The following PTGES3 variants were observed in gnomAD, a reference collection of about 807,000 sequenced individuals.
PTGES3 encodes Hsp90 co-chaperone.
A neutral mutation model predicts 29.9 loss-of-function variants in PTGES3; 5 were observed. The observed-to-expected ratio is 0.17, with a 90% CI of 0.09 to 0.35. The LOEUF (loss-of-function observed/expected upper bound fraction) is 0.35, where lower values mean the gene tolerates loss of function less well. Ranked by LOEUF, PTGES3 falls within the 10% of genes least tolerant of loss-of-function variation. The pLI, the probability that PTGES3 is intolerant of heterozygous loss-of-function variation, is 1.00. For synonymous variants in PTGES3, 49 were observed against 57.8 expected (o/e 0.85, Z 0.69); for missense variants, 128 against 190.0 (o/e 0.67, Z 1.92).
chr12:56,676,278 G>A (rs1952243011), intron 1 of PTGES3, among the ~76,000 whole-genome samples: 2 of 148,438 alleles, frequency 1.3e-5, no homozygotes, highest in African/African-American at 5.0e-5. Context: ...CAGCATTTCT[G>A]ACAGAAGGCT....
chr12:56,681,061 C>T (rs1273163425), intron 1 of PTGES3, among the ~76,000 whole-genome samples: 1 of 152,092 alleles, frequency 6.6e-6, no homozygotes, highest in Non-Finnish European at 1.5e-5. Context: ...TGTGAGTCAC[C>T]ATACCTGGTC....
intron 1 of PTGES3, among the ~76,000 whole-genome samples, chr12:56,685,946 T>A (rs2137744444): frequency 6.6e-6 from 1 of 151,780 alleles, no homozygotes; most frequent in South Asian, 2.1e-4. Context: ...CCAGCTAGTT[T>A]TTGTATTTTT....
intron 1 of PTGES3, among the ~76,000 whole-genome samples, chr12:56,679,304 G>A (rs1045039199): frequency 6.6e-6 from 1 of 151,630 alleles, no homozygotes; most frequent in African/African-American, 2.4e-5. Context: ...CTACTTGGGA[G>A]GCTGAGACAT....
Position 56,664,517 on chromosome 12 carries a change from A to G in PTGES3, c.464-19T>C. The stretch of plus-strand genomic sequence containing the variant: ...GGCATTTCTGAAAGAATTTTTAAAA[A>G]TATTAGTATATAGTACAAGTGAATA... On this transcript the variant is annotated intron_variant, in intron 7 of 7. Transcript: ENST00000262033. 4 of 1,592,048 alleles carry G rather than the reference A, an allele frequency of 2.5e-6. No homozygotes were observed. Among genetic ancestry groups the G allele is most frequent in the Non-Finnish European group, 2.6e-6 (3 of 1,164,454 alleles).
At chr12:56,683,939 G>A (rs568582247) in intron 1 of PTGES3, among the ~76,000 whole-genome samples, 50 of 132,928 alleles carry the variant, frequency 3.8e-4, no homozygotes, top group African/African-American at 1.3e-3. Flanking sequence ...CAGCCTGGGC[G>A]ACAGCGAAAC....
intron 1 of PTGES3, chr12:56,687,675 T>C (rs370531359): frequency 1.5e-5 from 19 of 1,265,274 alleles, no homozygotes; most frequent in African/African-American, 4.7e-5. Flanking sequence ...GGGCGCCGCA[T>C]GGCGAGCAGC....
chr12:56,681,261 G>A (rs921081089), intron 1 of PTGES3, among the ~76,000 whole-genome samples: 3 of 152,148 alleles, frequency 2.0e-5, no homozygotes, highest in South Asian at 4.2e-4. Context: ...GAATCAGGCC[G>A]GGCGCGGTGG....
chr12:56,688,183 C>G lies in PTGES3; in HGVS notation c.-184G>C. 9.2e-7 allele frequency: 1 copy of G among 1,090,158 alleles called. No individual in the cohort carries two copies. Among genetic ancestry groups the G allele is most frequent in the Non-Finnish European group, 1.2e-6 (1 of 819,906 alleles). The allele number at this position is 1,090,158 out of a possible 1,614,324, so 67.5% of individuals were successfully genotyped here. A position where few individuals can be genotyped will look rare whatever the true frequency, so the allele number is the denominator to read the frequency against. On this transcript the variant is annotated 5_prime_UTR_variant, in exon 1 of 8. Transcript: ENST00000262033. ...ACCTCGGGCCCCAGAATGCACCGCGCGGAAAGAGCGGCTCCTCCGGTCGGG... is the reference window on the plus strand; with the variant it reads ...ACCTCGGGCCCCAGAATGCACCGCGGGGAAAGAGCGGCTCCTCCGGTCGGG...
chr12:56,677,815 G>A (rs1003759713), intron 1 of PTGES3, among the ~76,000 whole-genome samples: 1 of 152,086 alleles, frequency 6.6e-6, no homozygotes, highest in Non-Finnish European at 1.5e-5. Flanking sequence ...TTTGCTTAGT[G>A]TCTTGGCTTA....
In PTGES3 at chr12:56,672,781, G is replaced by A. The variant is rs1003601322; in HGVS notation, c.145C>T (p.His49Tyr). Residue 49 changes from histidine to tyrosine, a missense_variant, in exon 3 of 8, where the codon CAT (histidine) becomes TAT (tyrosine). Physicochemically the swap from His to Tyr is moderately conservative, Grantham distance 83. Transcript: ENST00000262033. Reference protein sequence around the residue: ...SCLGGSDNFKHLNEIDLFHCI... With the variant: ...SCLGGSDNFKYLNEIDLFHCI... ...TGAAAAAGATCAATTTCATTTAAAT[G>A]CTTAAAATTATCACTTCCTCCGAGA... The A allele has an allele frequency of 1.9e-6, 3 of 1,590,030 alleles. No individual in the cohort carries two copies. The highest frequency in any genetic ancestry group is 2.6e-6 in the Non-Finnish European group (3 of 1,169,150).
chr12:56,671,902 G>C (rs1565864493), intron 3 of PTGES3, 55 bp from the exon 4 acceptor site: 24 of 1,083,650 alleles, frequency 2.2e-5, no homozygotes, highest in Non-Finnish European at 3.0e-5. Flanking sequence ...CTACATGATA[G>C]AAAATAGCTT....
intron 1 of PTGES3, chr12:56,687,125 A>G: frequency 4.9e-6 from 4 of 812,194 alleles, no homozygotes; most frequent in Non-Finnish European, 4.8e-6. Flanking sequence ...CGTAAAATGA[A>G]GACTGCCATA....
chr12:56,676,232 C>CCA (rs372309759), intron 1 of PTGES3, among the ~76,000 whole-genome samples: 79 of 129,962 alleles, frequency 6.1e-4, no homozygotes, highest in African/African-American at 2.2e-3. Flanking sequence ...TCTCCCCCCC[C>CCA]AAAAAAAAAA....
Position 56,668,824 on chromosome 12 carries a change from T to C in PTGES3, c.375+1451A>G, listed in dbSNP as rs561737226. Among the ~76,000 whole-genome samples the C allele has an allele frequency of 1.9e-4, 29 of 152,074 alleles. No homozygotes were observed. The South Asian group carries it at 5.8e-3, about 30-fold the overall frequency. ...GGATTTCATCAGTATGCATTCGACT[T>C]ATACACTAATGTTCTTTCTGTACTT... On this transcript the variant is annotated intron_variant, in intron 5 of 7. Transcript: ENST00000262033.
chr12:56,686,343 G>C (rs1408802569), intron 1 of PTGES3, among the ~76,000 whole-genome samples: 1 of 150,796 alleles, frequency 6.6e-6, no homozygotes, highest in African/African-American at 2.4e-5. Flanking sequence ...CTTTCAAATA[G>C]AAAAGCAAAA....
chr12:56,671,913 G>C, intron 3 of PTGES3, 66 bp from the exon 4 acceptor site: 3 of 945,868 alleles, frequency 3.2e-6, no homozygotes, highest in Non-Finnish European at 4.5e-6. Flanking sequence ...AAAATAGCTT[G>C]TCATTTCTCA....
At chr12:56,678,239 G>C (rs984735946) in intron 1 of PTGES3, among the ~76,000 whole-genome samples, 1 of 152,084 alleles carries the variant, frequency 6.6e-6, no homozygotes, top group African/African-American at 2.4e-5. Flanking sequence ...GTGCAGTGGC[G>C]TGATCTCGGC....
At chr12:56,684,581 T>C (rs1952735530) in intron 1 of PTGES3, among the ~76,000 whole-genome samples, 1 of 152,174 alleles carries the variant, frequency 6.6e-6, no homozygotes, top group Non-Finnish European at 1.5e-5. Flanking sequence ...CTGGACAACT[T>C]CCTAATTATA....
intron 1 of PTGES3, among the ~76,000 whole-genome samples, chr12:56,675,908 G>A (rs1213333383): frequency 4.6e-5 from 7 of 151,924 alleles, no homozygotes; most frequent in Non-Finnish European, 1.0e-4. Flanking sequence ...GGACAACAGC[G>A]TGAAACTCCG....
Sources: gnomAD v4.1 joint callset for allele counts (sites outside exome capture counted in the v4.1 genomes callset) on GRCh38, gnomAD v4.1.1 for gene constraint, MANE v1.5 for transcripts, NCBI Gene and HGNC (gene_info 2026-07-23, HGNC 2026-07-21) for gene names.